Variants in ABCD2 observed in about 807,000 individuals in gnomAD.
ABCD2 encodes the protein ATP binding cassette subfamily D member 2.
ABCD2 carries 36 observed loss-of-function variants against 70.9 expected under a neutral mutation model. The observed-to-expected ratio is 0.51, with a 90% CI of 0.39 to 0.67. The LOEUF (loss-of-function observed/expected upper bound fraction) is 0.67. Ranked by LOEUF, ABCD2 falls within the 30% of genes least tolerant of loss-of-function variation. The pLI is 0.00. For synonymous variants in ABCD2, 304 were observed against 306.9 expected (o/e 0.99, Z 0.10); for missense variants, 729 against 890.2 (o/e 0.82, Z 2.30).
At position 39,573,805 on chromosome 12, in the gene ABCD2, A is replaced by C. The variant is rs761709863; in HGVS notation, c.1914T>G (p.Ala638=). 6.2e-7 allele frequency: 1 copy of C among 1,613,172 alleles called. No homozygotes were observed. Among genetic ancestry groups the C allele is most frequent in the Admixed American group, 1.7e-5 (1 of 59,984 alleles). ...KYALLDECTS[A]VSIDVEGKIF... is the part of the protein sequence containing the mutation. ...TCTTTCCTTCGACATCAATGCTGAC[A>C]GCACTGGTACATTCATCCAGCAAGG... The change falls in exon 9 of 10, where the codon GCT becomes GCG. Residue 638 remains alanine (A), a synonymous_variant. Transcript: ENST00000308666.
At chr12:39,559,404 A>AAATATAT (rs1369016549) in intron 9 of ABCD2, among the ~76,000 whole-genome samples, 1 of 148,420 alleles carries the variant, frequency 6.7e-6, no homozygotes, top group Non-Finnish European at 1.5e-5. Context: ...AAAAAAAAGG[A>AAATATAT]AATATATGAG....
At position 39,579,576 on chromosome 12, in the gene ABCD2, C is replaced by T. The variant is rs751898614; in HGVS notation, c.1836G>A (p.Gly612=). The T allele has an allele frequency of 6.2e-7, 1 of 1,613,068 alleles. No individual in the cohort carries two copies. The highest frequency in any genetic ancestry group is 8.5e-7 in the Non-Finnish European group (1 of 1,179,468). ...VMDWKDVLSG[G]EKQRMGMARM... ...GAGCCATGCCCATTCTTTGCTTTTCCCCTCCTGACAGGACATCTTTCCAGT... is the reference window on the plus strand; with the variant it reads ...GAGCCATGCCCATTCTTTGCTTTTCTCCTCCTGACAGGACATCTTTCCAGT... The change falls in exon 8 of 10, where the codon GGG becomes GGA. Residue 612 remains glycine, a synonymous_variant. Transcript: ENST00000308666.
intron 2 of ABCD2, among the ~76,000 whole-genome samples, chr12:39,610,076 A>T (rs1942024884): frequency 2.0e-5 from 3 of 152,164 alleles, no homozygotes; most frequent in Non-Finnish European, 4.4e-5. Context: ...ATTTTGAGAG[A>T]CGTCTTGAAG....
chr12:39,600,747 A>G (rs1372401938), intron 5 of ABCD2, 31 bp from the exon 6 acceptor site: 6 of 1,547,332 alleles, frequency 3.9e-6, no homozygotes, highest in Non-Finnish European at 5.3e-6. Flanking sequence ...ACAAACTGCA[A>G]TAGTTTAAAA....
intron 8 of ABCD2, among the ~76,000 whole-genome samples, chr12:39,577,187 G>C (rs1256254063): frequency 6.6e-6 from 1 of 151,708 alleles, no homozygotes; most frequent in Non-Finnish European, 1.5e-5. Context: ...TGAGATAATC[G>C]CTAATGAGAT....
chr12:39,563,723 C>A (rs547920050), intron 9 of ABCD2, among the ~76,000 whole-genome samples: 13 of 152,098 alleles, frequency 8.5e-5, no homozygotes, highest in African/African-American at 2.4e-4. Flanking sequence ...TGTGCTGCAC[C>A]CATTAACTCA....
rs748034250 is a variant in ABCD2 at position 39,607,586 on chromosome 12, GAA to G, written c.1236+11_1236+12del. ...TTTATTTTAATTGAATTGACAATAAGAAATGCAAGTACCTCTTTGTATGAAGA... is the reference window on the plus strand; with the variant it reads ...TTTATTTTAATTGAATTGACAATAAGATGCAAGTACCTCTTTGTATGAAGA... On this transcript the variant is annotated intron_variant, in intron 3 of 9. Transcript: ENST00000308666. 5 of 1,545,314 alleles carry G rather than the reference GAA, an allele frequency of 3.2e-6. No individual in the cohort carries two copies. The highest frequency in any genetic ancestry group is 1.7e-4 in the Middle Eastern group (1 of 5,888).
intron 5 of ABCD2, 70 bp downstream of exon 5, chr12:39,603,842 T>C: frequency 8.7e-7 from 1 of 1,143,612 alleles, no homozygotes; most frequent in Non-Finnish European, 1.3e-6. Context: ...TAACATAAGG[T>C]ACATGAATTC....
chr12:39,615,113 T>C (rs1592000732), intron 2 of ABCD2, among the ~76,000 whole-genome samples: 1 of 152,050 alleles, frequency 6.6e-6, no homozygotes, highest in South Asian at 2.1e-4. Context: ...ATTCTTTGTA[T>C]ACATTGTTTA....
chr12:39,607,748 T>A (rs1367435766), intron 2 of ABCD2, 34 bp from the exon 3 acceptor site: 3 of 1,260,350 alleles, frequency 2.4e-6, no homozygotes, highest in Non-Finnish European at 3.3e-6. Context: ...AACTTGAGTT[T>A]TTTTTTTTTT....
At chr12:39,595,998 C>T (rs1461184570) in intron 6 of ABCD2, among the ~76,000 whole-genome samples, 2 of 152,146 alleles carry the variant, frequency 1.3e-5, no homozygotes, top group East Asian at 1.9e-4. Context: ...AGAGGATGAG[C>T]ACTATCATTT....
intron 3 of ABCD2, among the ~76,000 whole-genome samples, chr12:39,605,826 C>T (rs531409639): frequency 9.2e-5 from 14 of 151,738 alleles, no homozygotes; most frequent in Non-Finnish European, 1.2e-4. Flanking sequence ...TAATAAATTG[C>T]GGAAAAATAC....
Position 39,552,653 on chromosome 12 carries a change from T to C in ABCD2, c.*1259A>G, listed in dbSNP as rs1211100853. ...TAGTTGCTGAATGATTTACTAACTTTCTCATTTCATTTTAAGCCGCAGAAC... is the reference window on the plus strand; with the variant it reads ...TAGTTGCTGAATGATTTACTAACTTCCTCATTTCATTTTAAGCCGCAGAAC... On this transcript the variant is annotated 3_prime_UTR_variant, in exon 10 of 10. Coordinates refer to ENST00000308666, the MANE Select transcript of ABCD2 (RefSeq NM_005164.4). The C allele has an allele frequency of 1.3e-5, 2 of 152,024 alleles. No homozygotes were observed. The highest frequency in any genetic ancestry group is 4.8e-5 in the African/African-American group (2 of 41,458). The allele number at this position is 152,024 out of a possible 1,614,324, so 9.4% of individuals were successfully genotyped here.
the ABCD2 span, among the ~76,000 whole-genome samples, chr12:39,534,883 GGAAAGAAAGAAAGAAAGAAAGAAAGAAA>G: frequency 0.052 from 6,329 of 122,830 alleles, 447 homozygotes; most frequent in African/African-American, 0.15. Flanking sequence ...AAGGAAGGAA[GGAAAGAAAGAAAGAAAGAAAGAAAGAAA>G]GAAAGAAAGA....
downstream of ABCD2, among the ~76,000 whole-genome samples, chr12:39,549,589 T>C (rs937594826): frequency 6.6e-6 from 1 of 151,636 alleles, no homozygotes; most frequent in Non-Finnish European, 1.5e-5. Flanking sequence ...ACCCATAATT[T>C]AAAATAAAAA....
At chr12:39,577,105 G>A (rs925367748) in intron 8 of ABCD2, among the ~76,000 whole-genome samples, 11 of 151,942 alleles carry the variant, frequency 7.2e-5, no homozygotes, top group Non-Finnish European at 1.0e-4. Context: ...GTGTTTAAAT[G>A]TTACAGTAAT....
chr12:39,598,667 T>A (rs1941854406), intron 6 of ABCD2, among the ~76,000 whole-genome samples: 1 of 152,186 alleles, frequency 6.6e-6, no homozygotes, highest in African/African-American at 2.4e-5. Flanking sequence ...CCCAAAGTGC[T>A]GGGATTACAG....
chr12:39,613,385 C>CAAAAAA (rs71075064), intron 2 of ABCD2, among the ~76,000 whole-genome samples: 39 of 23,622 alleles, frequency 1.7e-3, no homozygotes, highest in Non-Finnish European at 1.9e-3. Context: ...GACTCCGTCT[C>CAAAAAA]AAAAAAAAAA....
chr12:39,610,929 T>A (rs1014370521), intron 2 of ABCD2, among the ~76,000 whole-genome samples: 1 of 152,206 alleles, frequency 6.6e-6, no homozygotes, highest in Non-Finnish European at 1.5e-5. Context: ...TATAAATCCA[T>A]GACCTAAAAT....
Sources: gnomAD v4.1 joint callset for allele counts (sites outside exome capture counted in the v4.1 genomes callset) on GRCh38, gnomAD v4.1.1 for gene constraint, MANE v1.5 for transcripts, NCBI Gene and HGNC (gene_info 2026-07-23, HGNC 2026-07-21) for gene names.